NTNG1: variants seen among roughly 807,000 people sequenced by gnomAD.
NTNG1 encodes the protein netrin G1, also known as netrin-G1.
Under a neutral mutation model 54.0 loss-of-function variants are expected in NTNG1, and 16 were observed. The ratio of observed to expected loss-of-function variants is 0.30; its 90% CI spans 0.20 to 0.45. The LOEUF (loss-of-function observed/expected upper bound fraction) is 0.45, where lower values mean the gene tolerates loss of function less well. Ranked by LOEUF, NTNG1 falls within the 20% of genes least tolerant of loss-of-function variation. The pLI is 1.00. For missense variants in NTNG1, 530 were observed against 678.7 expected (o/e 0.78, Z 2.43); for synonymous variants, 255 against 263.1 (o/e 0.97, Z 0.30).
intron 7 of NTNG1, among the ~76,000 whole-genome samples, chr1:107,475,628 C>A (rs780657746): frequency 6.6e-6 from 1 of 152,200 alleles, no homozygotes; most frequent in Non-Finnish European, 1.5e-5. Context: ...TTACTATCTT[C>A]CTGATCTAGA....
At chr1:107,318,330 A>C (rs1217431749) in intron 2 of NTNG1, among the ~76,000 whole-genome samples, 3 of 152,054 alleles carry the variant, frequency 2.0e-5, no homozygotes, top group Non-Finnish European at 2.9e-5. Context: ...ATAGTATCAC[A>C]CTGCTTGTAT....
intron 2 of NTNG1, among the ~76,000 whole-genome samples, chr1:107,319,833 G>T (rs529775990): frequency 3.3e-5 from 5 of 149,440 alleles, no homozygotes; most frequent in Admixed American, 1.3e-4. Context: ...ATAGCAACCG[G>T]AAGTGTTACA....
At chr1:107,214,562 A>T (rs762382959) in intron 2 of NTNG1, among the ~76,000 whole-genome samples, 9 of 152,200 alleles carry the variant, frequency 5.9e-5, no homozygotes, top group Non-Finnish European at 1.2e-4. Context: ...TGCAGATGCA[A>T]ATTATGCCGC....
At chr1:107,355,446 G>A (rs913457244) in intron 3 of NTNG1, among the ~76,000 whole-genome samples, 2 of 151,346 alleles carry the variant, frequency 1.3e-5, no homozygotes, top group African/African-American at 4.9e-5. Context: ...TCTTCTTTAC[G>A]TTACTTAGGG....
chr1:107,469,997 C>G (rs527320833), intron 7 of NTNG1, among the ~76,000 whole-genome samples: 3 of 152,286 alleles, frequency 2.0e-5, no homozygotes, highest in South Asian at 2.1e-4. Context: ...TAGCACCAGT[C>G]TCTACTAATT....
intron 2 of NTNG1, among the ~76,000 whole-genome samples, chr1:107,305,866 T>C (rs1383749721): frequency 6.6e-6 from 1 of 152,196 alleles, no homozygotes; most frequent in Non-Finnish European, 1.5e-5. Context: ...TTAGGCTTTG[T>C]TTTCATCAGC....
intron 2 of NTNG1, among the ~76,000 whole-genome samples, chr1:107,269,768 T>G (rs1020524947): frequency 2.0e-5 from 3 of 152,352 alleles, no homozygotes; most frequent in Non-Finnish European, 2.9e-5. Context: ...TTTATATCTT[T>G]AGACTACTTA....
Position 107,358,534 on chromosome 1 carries a change from A to C in NTNG1, c.887+33612A>C, listed in dbSNP as rs1670076572. 2.0e-5 allele frequency among the ~76,000 whole-genome samples: 3 copies of C among 151,902 alleles called. 1 individual carries two copies. In the South Asian group the frequency reaches 6.3e-4, roughly 32 times the overall value. ...CTAGTGTTGATCTAGCCCACTGAAA[A>C]TCTGGTCATCTTTTTCCAAACTAAT... is the stretch of plus-strand genomic sequence containing the variant. On this transcript the variant is annotated intron_variant, in intron 3 of 7. Transcript: ENST00000370068.
intron 5 of NTNG1, among the ~76,000 whole-genome samples, chr1:107,419,797 A>T (rs1674466380): frequency 1.3e-5 from 2 of 152,022 alleles, no homozygotes; most frequent in Admixed American, 6.6e-5. Flanking sequence ...GTCAAATTGG[A>T]AGGGCTGCAT....
chr1:107,149,455 T>C (rs1488846549), intron 2 of NTNG1, among the ~76,000 whole-genome samples: 4 of 152,210 alleles, frequency 2.6e-5, no homozygotes, highest in Non-Finnish European at 5.9e-5. Context: ...GTTTTCTATG[T>C]ATATTTTAAA....
intron 3 of NTNG1, among the ~76,000 whole-genome samples, chr1:107,363,774 A>G (rs1410612404): frequency 6.6e-6 from 1 of 152,226 alleles, no homozygotes; most frequent in East Asian, 1.9e-4. Context: ...ACTCAATTCA[A>G]TTTAACATTT....
chr1:107,455,433 A>G (rs1676891863), intron 7 of NTNG1, among the ~76,000 whole-genome samples: 1 of 152,256 alleles, frequency 6.6e-6, no homozygotes, highest in Admixed American at 6.5e-5. Flanking sequence ...TGTGGTGCTC[A>G]GGATCAAGTG....
At chr1:107,198,465 C>G (rs1351035309) in intron 2 of NTNG1, among the ~76,000 whole-genome samples, 2 of 151,918 alleles carry the variant, frequency 1.3e-5, no homozygotes, top group Admixed American at 6.6e-5. Context: ...TCTGCTTATA[C>G]AAAGACAAAA....
intron 2 of NTNG1, among the ~76,000 whole-genome samples, chr1:107,296,984 G>T (rs1665980678): frequency 6.7e-6 from 1 of 148,988 alleles, no homozygotes; most frequent in African/African-American, 2.4e-5. Flanking sequence ...ATTAGGGTTG[G>T]TTGGGATGCT....
intron 7 of NTNG1, 22 bp from the exon 8 acceptor site, chr1:107,480,589 T>TC: frequency 4.9e-6 from 1 of 202,786 alleles, no homozygotes; most frequent in Non-Finnish European, 9.4e-6. Context: ...CACCCACCCC[T>TC]ACCTTCCCCC....
intron 3 of NTNG1, among the ~76,000 whole-genome samples, chr1:107,345,564 T>C (rs2101939865): frequency 6.6e-6 from 1 of 152,264 alleles, no homozygotes; most frequent in South Asian, 2.1e-4. Context: ...TGGCATTTCA[T>C]ATTATTCATG....
At chr1:107,240,896 T>C (rs1661780943) in intron 2 of NTNG1, among the ~76,000 whole-genome samples, 1 of 152,204 alleles carries the variant, frequency 6.6e-6, no homozygotes, top group African/African-American at 2.4e-5. Flanking sequence ...TCATTTAACC[T>C]AGGCTCTGTA....
chr1:107,361,362 T>C (rs1670271482), intron 3 of NTNG1, among the ~76,000 whole-genome samples: 1 of 51,462 alleles, frequency 1.9e-5, no homozygotes, highest in Non-Finnish European at 4.0e-5. Context: ...TTATATAACA[T>C]ATATATATAT....
At chr1:107,418,664 C>T (rs957853209) in intron 5 of NTNG1, 2 of 1,539,454 alleles carry the variant, frequency 1.3e-6, no homozygotes, top group African/African-American at 2.7e-5. Flanking sequence ...ATGTAAAATT[C>T]CTACGGACAT....
Sources: gnomAD v4.1 joint callset for allele counts (sites outside exome capture counted in the v4.1 genomes callset) on GRCh38, gnomAD v4.1.1 for gene constraint, MANE v1.5 for transcripts, NCBI Gene and HGNC (gene_info 2026-07-23, HGNC 2026-07-21) for gene names.